TMEM248: variants seen among roughly 807,000 people sequenced by gnomAD.
The protein encoded by TMEM248 is UPF0458 protein C7orf42.
In TMEM248, 9 loss-of-function variants were observed where a neutral mutation model predicts 30.3. The ratio of observed to expected loss-of-function variants is 0.30; its 90% CI spans 0.18 to 0.52. TMEM248 has a LOEUF of 0.52. Ranked by LOEUF, TMEM248 falls within the 20% of genes least tolerant of loss-of-function variation. The pLI, the probability that TMEM248 is intolerant of heterozygous loss-of-function variation, is 0.97. For missense variants in TMEM248, 338 were observed against 403.3 expected, an observed-to-expected ratio of 0.84 and a Z score of 1.39; for synonymous variants, 184 against 154.4, an observed-to-expected ratio of 1.19 and a Z score of -1.42.
Position 66,948,621 on chromosome 7 carries a change from G to A in TMEM248, c.523G>A (p.Gly175Ser), listed in dbSNP as rs755542906. 6 of 1,614,100 alleles carry A rather than the reference G, an allele frequency of 3.7e-6. No individual in the cohort carries two copies. The highest frequency in any genetic ancestry group is 4.2e-6 in the Non-Finnish European group (5 of 1,179,982). ...AWSSDDCALH[G>S]HCEQVVFTAC... Reference sequence around the variant, plus strand: ...GAGCTCAGATGACTGCGCCCTCCACGGTCACTGTGAGCAGGTGGTATTCAC... The same window carrying A: ...GAGCTCAGATGACTGCGCCCTCCACAGTCACTGTGAGCAGGTGGTATTCAC... The change falls in exon 4 of 7, where the codon GGT becomes AGT. Residue 175 changes from glycine (G) to serine (S), a missense_variant. Gly to Ser is a moderately conservative substitution (Grantham distance 56). Transcript: ENST00000341567.
intron 5 of TMEM248, among the ~76,000 whole-genome samples, chr7:66,952,995 G>A (rs976782938): frequency 6.6e-6 from 1 of 152,172 alleles, no homozygotes. Flanking sequence ...AGAGGACAGC[G>A]CTAGGAAGGC....
chr7:66,936,043 A>G (rs1189516093), intron 1 of TMEM248, among the ~76,000 whole-genome samples: 1 of 152,184 alleles, frequency 6.6e-6, no homozygotes, highest in East Asian at 1.9e-4. Context: ...TCCAGTTTGG[A>G]TGCCCTTTAT....
intron 4 of TMEM248, among the ~76,000 whole-genome samples, chr7:66,949,141 T>TA (rs530357268): frequency 0.015 from 1,945 of 130,828 alleles, 43 homozygotes; most frequent in East Asian, 0.074. Flanking sequence ...TGTCTCTATT[T>TA]AAAAAAAAAA....
At chr7:66,935,292 C>T (rs1173983770) in intron 1 of TMEM248, among the ~76,000 whole-genome samples, 1 of 151,810 alleles carries the variant, frequency 6.6e-6, no homozygotes, top group Non-Finnish European at 1.5e-5. Flanking sequence ...CAGCAGCTCT[C>T]CTGCCTCAGC....
Position 66,945,266 on chromosome 7 carries a change from G to T in TMEM248, c.445+5G>T. On this transcript the variant is annotated splice_donor_5th_base_variant and intron_variant, in intron 3 of 6. Transcript: ENST00000341567. Reference sequence around the variant, plus strand: ...GGCATCAGATTGGACTTTCAGGTATGCAGTAGCCACTCTCCACTCAGGCTC... The same window carrying T: ...GGCATCAGATTGGACTTTCAGGTATTCAGTAGCCACTCTCCACTCAGGCTC... 6.2e-7 allele frequency: 1 copy of T among 1,610,320 alleles called. No individual in the cohort carries two copies. Among genetic ancestry groups the T allele is most frequent in the Non-Finnish European group, 8.5e-7 (1 of 1,176,720 alleles).
In TMEM248 at chr7:66,953,463, A is replaced by G; in HGVS notation, c.924+94A>G. ...CCTTATTCTATTTATTGTGGGTGGCACCTTTCGTCTAAAGAAATGACAGTC... is the reference window on the plus strand; with the variant it reads ...CCTTATTCTATTTATTGTGGGTGGCGCCTTTCGTCTAAAGAAATGACAGTC... On this transcript the variant is annotated intron_variant, in intron 6 of 6. Transcript: ENST00000341567. 3 of 1,488,166 alleles carry G rather than the reference A, an allele frequency of 2.0e-6. No homozygotes were observed. In the South Asian group the frequency reaches 3.9e-5, roughly 20 times the overall value. 92.2% of individuals were successfully genotyped at this position (1,488,166 alleles called of 1,614,324 possible).
chr7:66,951,161 TGTGTGCGTGCATGCATATGCAC>T (rs775439551), intron 5 of TMEM248, 26 bp downstream of exon 5: 3 of 1,550,944 alleles, frequency 1.9e-6, no homozygotes, highest in African/African-American at 2.7e-5. Context: ...TGTGTGTGTG[TGTGTGCGTGCATGCATATGCAC>T]ATGTGTGCGC....
Position 66,941,879 on chromosome 7 carries a change from A to G in TMEM248, c.14A>G (p.Asn5Ser). Residue 5 changes from asparagine to serine, a missense_variant, in exon 2 of 7, where the codon AAC (asparagine) becomes AGC (serine). Asn to Ser is a conservative substitution (Grantham distance 46). Coordinates refer to ENST00000341567, the MANE Select transcript of TMEM248 (RefSeq NM_017994.5). Reference sequence around the variant, plus strand: ...CTGATCAGAATAATGTTCAGCATCAACCCCCTGGAGAACCTGAAGGTGTAC... The same window carrying G: ...CTGATCAGAATAATGTTCAGCATCAGCCCCCTGGAGAACCTGAAGGTGTAC... MFSI[N>S]PLENLKVYIS... The G allele has an allele frequency of 1.9e-6, 3 of 1,613,648 alleles. No individual in the cohort carries two copies. In the South Asian group the frequency reaches 3.3e-5, roughly 18 times the overall value.
In TMEM248 at chr7:66,939,570, C is replaced by T. The variant is rs75851685; in HGVS notation, c.-18-2278C>T. Among the ~76,000 whole-genome samples the T allele has an allele frequency of 7.6e-3, 1,163 of 152,262 alleles. 18 individuals are homozygous for T. Among genetic ancestry groups the T allele is most frequent in the African/African-American group, 0.026 (1,094 of 41,532 alleles). On this transcript the variant is annotated intron_variant, in intron 1 of 6. Coordinates refer to ENST00000341567, the MANE Select transcript of TMEM248 (RefSeq NM_017994.5). ...TTTGCTAATGTTGTCGCAGTTTGCTCGTGTTTATAAGTGCTCATTGTGTGC... is the reference window on the plus strand; with the variant it reads ...TTTGCTAATGTTGTCGCAGTTTGCTTGTGTTTATAAGTGCTCATTGTGTGC...
rs187394668 is a variant in TMEM248, at chr7:66,934,800, C to T, written c.-18-7048C>T. ...GGTGTGGTGGTTCACACCTATAATC[C>T]CAACACTGTGGGAGGCCAGGGTGGG... On this transcript the variant is annotated intron_variant, in intron 1 of 6. Coordinates refer to ENST00000341567, the MANE Select transcript of TMEM248 (RefSeq NM_017994.5). 1.3e-5 allele frequency among the ~76,000 whole-genome samples: 2 copies of T among 152,142 alleles called. 1 individual carries two copies. Among genetic ancestry groups the T allele is most frequent in the Admixed American group, 1.3e-4 (2 of 15,274 alleles).
chr7:66,941,088 A>G (rs1456276034), intron 1 of TMEM248, among the ~76,000 whole-genome samples: 2 of 152,112 alleles, frequency 1.3e-5, no homozygotes, highest in Non-Finnish European at 2.9e-5. Flanking sequence ...CATCTCTTAA[A>G]AGGTAATAAA....
At chr7:66,939,079 T>C (rs968139377) in intron 1 of TMEM248, among the ~76,000 whole-genome samples, 16 of 152,216 alleles carry the variant, frequency 1.1e-4, no homozygotes, top group African/African-American at 3.9e-4. Flanking sequence ...AATAGAGATA[T>C]CATTTCACAT....
At chr7:66,928,732 C>T (rs1259826138) in intron 1 of TMEM248, among the ~76,000 whole-genome samples, 1 of 152,048 alleles carries the variant, frequency 6.6e-6, no homozygotes, top group East Asian at 1.9e-4. Flanking sequence ...TATATGGATG[C>T]TTTTCTGCCT....
intron 1 of TMEM248, among the ~76,000 whole-genome samples, chr7:66,922,630 C>T (rs1403425300): frequency 6.6e-6 from 1 of 152,120 alleles, no homozygotes. Context: ...ATGCTAAAAT[C>T]ACCAAAGGCT....
rs1792376151 is a variant in TMEM248, at chr7:66,955,428, C to A, written c.925-74C>A. Reference sequence around the variant, plus strand: ...TGATATGTGCAATTAGTGTGGCATCCTGGTCTTTGGGTAGGGGCTGAGTTA... The same window carrying A: ...TGATATGTGCAATTAGTGTGGCATCATGGTCTTTGGGTAGGGGCTGAGTTA... On this transcript the variant is annotated intron_variant, in intron 6 of 6. Coordinates refer to ENST00000341567, the MANE Select transcript of TMEM248 (RefSeq NM_017994.5). 9 of 1,570,970 alleles carry A rather than the reference C, an allele frequency of 5.7e-6. No homozygotes were observed. In the South Asian group the frequency reaches 1.0e-4, roughly 18 times the overall value.
intron 2 of TMEM248, among the ~76,000 whole-genome samples, chr7:66,943,811 A>G (rs1314009022): frequency 7.0e-6 from 1 of 143,008 alleles, no homozygotes; most frequent in Admixed American, 7.0e-5. Context: ...TTTTTTTTTG[A>G]GGTGGAGTGT....
intron 6 of TMEM248, among the ~76,000 whole-genome samples, chr7:66,954,159 G>A (rs117028487): frequency 6.6e-6 from 1 of 150,664 alleles, no homozygotes; most frequent in Non-Finnish European, 1.5e-5. Flanking sequence ...GTCCAGGCTA[G>A]TCTCGAACTG....
intron 4 of TMEM248, 96 bp from the exon 5 acceptor site, chr7:66,950,856 G>A: frequency 1.0e-6 from 1 of 982,160 alleles, no homozygotes; most frequent in Admixed American, 2.9e-5. Flanking sequence ...CATGTGTGTT[G>A]CCGTGTTCAG....
At chr7:66,947,751 T>C (rs972247818) in intron 3 of TMEM248, among the ~76,000 whole-genome samples, 1 of 151,920 alleles carries the variant, frequency 6.6e-6, no homozygotes, top group Non-Finnish European at 1.5e-5. Flanking sequence ...TATTTTAATT[T>C]AATTTTTATT....
Sources: gnomAD v4.1 joint callset for allele counts (sites outside exome capture counted in the v4.1 genomes callset) on GRCh38, gnomAD v4.1.1 for gene constraint, MANE v1.5 for transcripts, NCBI Gene and HGNC (gene_info 2026-07-23, HGNC 2026-07-21) for gene names.